URB1: variants seen among roughly 807,000 people sequenced by gnomAD.
The protein encoded by URB1 is URB1 ribosome biogenesis factor.
URB1 carries 197 observed loss-of-function variants against 242.3 expected under a neutral mutation model. The observed-to-expected ratio is 0.81, with a 90% CI of 0.72 to 0.91. The LOEUF is 0.91. URB1 is among the 40% of genes least tolerant of loss of function. The pLI is 0.00. For synonymous variants in URB1, 1,153 were observed against 1,201.8 expected (o/e 0.96, Z 0.84); for missense variants, 2,721 against 2,860.5 (o/e 0.95, Z 1.11).
intron 30 of URB1, 30 bp from the exon 31 acceptor site, chr21:32,325,419 C>T: frequency 6.5e-7 from 1 of 1,536,288 alleles, no homozygotes; most frequent in Non-Finnish European, 8.8e-7. Flanking sequence ...GCATGAAACA[C>T]ACACAATATG....
At chr21:32,366,053 T>C (rs1168271146) in intron 10 of URB1, among the ~76,000 whole-genome samples, 1 of 152,230 alleles carries the variant, frequency 6.6e-6, no homozygotes, top group African/African-American at 2.4e-5. Context: ...ATGTGGCTTC[T>C]GATGGGACAT....
chr21:32,343,901 ATCAG>A (rs1048933290), intron 24 of URB1, among the ~76,000 whole-genome samples: 2 of 152,188 alleles, frequency 1.3e-5, no homozygotes, highest in Non-Finnish European at 2.9e-5. Context: ...AAATCCTAAA[ATCAG>A]TCAGAGAAAG....
chr21:32,385,202 A>C (rs1401358465), intron 2 of URB1, among the ~76,000 whole-genome samples: 1 of 152,202 alleles, frequency 6.6e-6, no homozygotes, highest in Non-Finnish European at 1.5e-5. Context: ...ATCAGAAAAC[A>C]ATCATCAATT....
At chr21:32,384,937 C>A (rs1177193737) in intron 2 of URB1, among the ~76,000 whole-genome samples, 2 of 151,934 alleles carry the variant, frequency 1.3e-5, no homozygotes, top group Admixed American at 1.3e-4. Flanking sequence ...GCCGAGACTG[C>A]GCCACTGCAC....
Position 32,322,499 on chromosome 21 carries a change from G to A in URB1, c.5319C>T (p.Phe1773=). ...NMDKVPGFYQ[F]FYSSDFEQKT... is the part of the protein sequence containing the mutation. Reference sequence around the variant, plus strand: ...ATACCTCAAAGTCGGAGCTGTAGAAGAACTGGTAGAAGCCTGGCACTTTGT... The same window carrying A: ...ATACCTCAAAGTCGGAGCTGTAGAAAAACTGGTAGAAGCCTGGCACTTTGT... Residue 1773 remains phenylalanine, a synonymous_variant, in exon 33 of 39, where the codon TTC becomes TTT. Transcript: ENST00000382751. 1 of 1,552,376 alleles carries A rather than the reference G, an allele frequency of 6.4e-7. No individual in the cohort carries two copies. The highest frequency in any genetic ancestry group is 8.7e-7 in the Non-Finnish European group (1 of 1,147,134).
chr21:32,311,437 G>T lies in URB1; in HGVS notation c.*3481C>A. ...CCCACCCCCCCCATCCTAAATCAATGTAGGAAGAAGTGGCCTCCAGGGAAA... is the reference window on the plus strand; with the variant it reads ...CCCACCCCCCCCATCCTAAATCAATTTAGGAAGAAGTGGCCTCCAGGGAAA... On this transcript the variant is annotated 3_prime_UTR_variant, in exon 39 of 39. Coordinates refer to ENST00000382751, the MANE Select transcript of URB1 (RefSeq NM_014825.3). 1 of 165,808 alleles carries T rather than the reference G, an allele frequency of 6.0e-6. No homozygotes were observed. Among genetic ancestry groups the T allele is most frequent in the Non-Finnish European group, 1.1e-5 (1 of 88,512 alleles). 10.3% of individuals were successfully genotyped at this position (165,808 alleles called of 1,614,324 possible).
At position 32,314,634 on chromosome 21, in the gene URB1, GA is replaced by G; in HGVS notation, c.*283del. On this transcript the variant is annotated 3_prime_UTR_variant, in exon 39 of 39. Coordinates refer to ENST00000382751, the MANE Select transcript of URB1 (RefSeq NM_014825.3). ...TCCTGTGATGAGCTCCAAGCCCCTAGAGAGGAAGGGGCGGCCTGACGAGGCA... is the reference window on the plus strand; with the variant it reads ...TCCTGTGATGAGCTCCAAGCCCCTAGGAGGAAGGGGCGGCCTGACGAGGCA... 3 of 1,614,176 alleles carry G rather than the reference GA, an allele frequency of 1.9e-6. No homozygotes were observed. The highest frequency in any genetic ancestry group is 2.5e-6 in the Non-Finnish European group (3 of 1,180,000).
At chr21:32,325,083 G>T in intron 31 of URB1, 146 bp downstream of exon 31, 1 of 1,085,780 alleles carries the variant, frequency 9.2e-7, no homozygotes, top group Non-Finnish European at 1.3e-6. Flanking sequence ...TAAGGGAACA[G>T]ACTTTTGCTC....
At position 32,354,972 on chromosome 21, in the gene URB1, G is replaced by C; in HGVS notation, c.2132C>G (p.Pro711Arg). Residue 711 changes from proline (P) to arginine (R), a missense_variant, in exon 17 of 39, where the codon CCC (proline) becomes CGC (arginine). By Grantham distance (103) the Pro-to-Arg change is moderately radical. Transcript: ENST00000382751. ...AGATGCTTTGTCTGTGTATGAATAG[G>C]GATTCGCCACCAATGTCAATAAAAT... ...ERILLTLVAN[P>R]YSYTDKASDF... 6.4e-7 allele frequency: 1 copy of C among 1,550,996 alleles called. No individual in the cohort carries two copies. The highest frequency in any genetic ancestry group is 8.7e-7 in the Non-Finnish European group (1 of 1,146,262).
At position 32,350,733 on chromosome 21, in the gene URB1, G is replaced by C. The variant is rs1246483092; in HGVS notation, c.2803C>G (p.Leu935Val). The C allele has an allele frequency of 6.4e-7, 1 of 1,551,538 alleles. No homozygotes were observed. The highest frequency in any genetic ancestry group is 2.4e-5 in the East Asian group (1 of 40,918). Reference sequence around the variant, plus strand: ...CCGAAGTTCTCCACAGTGCTCCGCAGGTAGAGCAACACCTGCTTGGCCGCG... The same window carrying C: ...CCGAAGTTCTCCACAGTGCTCCGCACGTAGAGCAACACCTGCTTGGCCGCG... ...LLAAKQVLLY[L>V]RSTVENFGQL... Residue 935 changes from leucine to valine, a missense_variant, in exon 20 of 39, where the codon CTG (leucine) becomes GTG (valine). Leu to Val is a conservative substitution (Grantham distance 32). Coordinates refer to ENST00000382751, the MANE Select transcript of URB1 (RefSeq NM_014825.3).
At chr21:32,340,508 G>A (rs1264659836) in intron 25 of URB1, among the ~76,000 whole-genome samples, 1 of 152,214 alleles carries the variant, frequency 6.6e-6, no homozygotes, top group Admixed American at 6.5e-5. Flanking sequence ...AGCTACTTGG[G>A]AGGCCGAGGC....
chr21:32,360,459 T>C (rs1043264801), intron 13 of URB1, among the ~76,000 whole-genome samples: 3 of 152,228 alleles, frequency 2.0e-5, no homozygotes, highest in Non-Finnish European at 2.9e-5. Context: ...AGTATTTCAA[T>C]AGCTCATATA....
At chr21:32,373,032 AATT>A (rs1407070474) in intron 7 of URB1, among the ~76,000 whole-genome samples, 4 of 152,188 alleles carry the variant, frequency 2.6e-5, no homozygotes, top group South Asian at 2.1e-4. Context: ...TTGAGAGGTG[AATT>A]ATTATAACGT....
chr21:32,383,627 A>G, intron 3 of URB1, 73 bp from the exon 4 acceptor site: 2 of 1,419,902 alleles, frequency 1.4e-6, no homozygotes, highest in Non-Finnish European at 1.9e-6. Flanking sequence ...CCACAAAGCC[A>G]GCTGCAAGCT....
intron 31 of URB1, 134 bp from the exon 32 acceptor site, chr21:32,324,736 A>G: frequency 1.6e-6 from 1 of 640,308 alleles, no homozygotes; most frequent in Non-Finnish European, 2.7e-6. Flanking sequence ...CTGAAGACGA[A>G]GCTCACAGGA....
At chr21:32,316,442 C>T in intron 38 of URB1, 24 bp downstream of exon 38, 1 of 1,471,690 alleles carries the variant, frequency 6.8e-7, no homozygotes, top group Non-Finnish European at 9.0e-7. Flanking sequence ...TTTCTTCAGC[C>T]TCCAACAAAA....
chr21:32,352,059 A>C (rs938303413), intron 19 of URB1, among the ~76,000 whole-genome samples: 1 of 152,182 alleles, frequency 6.6e-6, no homozygotes, highest in Non-Finnish European at 1.5e-5. Context: ...GAAAACATGC[A>C]ATCGCTGTTG....
rs553879364 is a variant in URB1 at position 32,315,074 on chromosome 21, G to A, written c.6660C>T (p.Leu2220=). ...TQASAAFLVS[L]YIKDIWLGAQ... is the part of the protein sequence containing the mutation. Reference sequence around the variant, plus strand: ...CCCCCAGCCAGATGTCCTTTATGTAGAGAGACACTAGGAATGCTGCGGAGG... The same window carrying A: ...CCCCCAGCCAGATGTCCTTTATGTAAAGAGACACTAGGAATGCTGCGGAGG... The change falls in exon 39 of 39, where the codon CTC becomes CTT. Residue 2220 remains leucine (L), a synonymous_variant. Transcript: ENST00000382751. The A allele has an allele frequency of 2.3e-5, 35 of 1,542,154 alleles. No homozygotes were observed. In the African/African-American group the frequency reaches 4.1e-4, roughly 18 times the overall value.
At chr21:32,382,228 T>A (rs2033534963) in intron 4 of URB1, among the ~76,000 whole-genome samples, 1 of 152,194 alleles carries the variant, frequency 6.6e-6, no homozygotes, top group Non-Finnish European at 1.5e-5. Context: ...TTGCCAGGCT[T>A]ACTGCCAGGT....
Sources: allele counts gnomAD v4.1 joint callset (sites outside exome capture counted in the v4.1 genomes callset), GRCh38; gene constraint gnomAD v4.1.1; transcripts MANE v1.5; gene names NCBI Gene and HGNC (gene_info 2026-07-23, HGNC 2026-07-21).